The following LDAH variants were observed in gnomAD, a reference collection of about 807,000 sequenced individuals.
LDAH encodes lipid droplet associated hydrolase, also known as lipid droplet-associated hydrolase.
In LDAH, 26 loss-of-function variants were observed where a neutral mutation model predicts 29.6. That is an observed-to-expected ratio of 0.88 (90% CI 0.64 to 1.22). LDAH has a LOEUF of 1.22. LDAH is among the 50% of genes most tolerant of loss of function. LDAH has a pLI of 0.00. For missense variants in LDAH, 344 were observed against 387.3 expected (o/e 0.89, Z 0.94); for synonymous variants, 117 against 133.0 (o/e 0.88, Z 0.83).
Position 20,738,279 on chromosome 2 carries a change from A to G in LDAH, c.703+1692T>C, listed in dbSNP as rs1184813406. Among the ~76,000 whole-genome samples, 3 of 113,878 alleles carry G rather than the reference A, an allele frequency of 2.6e-5. No homozygotes were observed. The East Asian group carries it at 9.2e-4, about 35-fold the overall frequency. The allele number at this position is 113,878 out of a possible 152,430, so 74.7% of individuals were successfully genotyped here. A position where few individuals can be genotyped will look rare whatever the true frequency, so the allele number is the denominator to read the frequency against. ...AATAATAATAATAATAATAATAATA[A>G]TAATAATAATATATAGATTCTTGCA... On this transcript the variant is annotated intron_variant, in intron 5 of 6. Transcript: ENST00000237822.
intron 6 of LDAH, among the ~76,000 whole-genome samples, chr2:20,689,724 T>G (rs1266003681): frequency 1.3e-5 from 2 of 152,216 alleles, no homozygotes; most frequent in Non-Finnish European, 2.9e-5. Context: ...ACAGTCGCTA[T>G]GCAGTTACTC....
chr2:20,731,642 T>C (rs371837405), intron 5 of LDAH, among the ~76,000 whole-genome samples: 3 of 152,176 alleles, frequency 2.0e-5, no homozygotes, highest in Non-Finnish European at 2.9e-5. Flanking sequence ...CATATAATTA[T>C]GTATATGTTT....
chr2:20,822,938 GC>G (rs1189937839), intron 1 of LDAH, 98 bp downstream of exon 1: 20 of 152,318 alleles, frequency 1.3e-4, no homozygotes, highest in African/African-American at 4.3e-4. Context: ...CAGGGGCTCT[GC>G]GAGGAACCAT....
intron 1 of LDAH, among the ~76,000 whole-genome samples, chr2:20,816,751 C>A (rs1672877567): frequency 6.6e-6 from 1 of 151,874 alleles, no homozygotes; most frequent in African/African-American, 2.4e-5. Flanking sequence ...TAGAACACTG[C>A]AACCAATAAT....
At chr2:20,734,490 A>G (rs1666644895) in intron 5 of LDAH, among the ~76,000 whole-genome samples, 1 of 152,174 alleles carries the variant, frequency 6.6e-6, no homozygotes, top group Non-Finnish European at 1.5e-5. Flanking sequence ...ACATATATAC[A>G]TGACTTATTA....
chr2:20,785,503 T>C (rs1368864209), intron 3 of LDAH, among the ~76,000 whole-genome samples: 1 of 152,242 alleles, frequency 6.6e-6, no homozygotes, highest in Non-Finnish European at 1.5e-5. Flanking sequence ...AACTTAAGAA[T>C]GACATATGTA....
rs1358875798 is a variant in LDAH at position 20,790,241 on chromosome 2, T to C, written c.298+14A>G. 6.2e-7 allele frequency: 1 copy of C among 1,613,472 alleles called. No homozygotes were observed. The highest frequency in any genetic ancestry group is 8.5e-7 in the Non-Finnish European group (1 of 1,179,722). On this transcript the variant is annotated intron_variant, in intron 3 of 6. Transcript: ENST00000237822. Reference sequence around the variant, plus strand: ...ACTCACTCTAAAGGAAAGTAGATATTAACAAGGACATACCCTCTGATGTTG... The same window carrying C: ...ACTCACTCTAAAGGAAAGTAGATATCAACAAGGACATACCCTCTGATGTTG...
At chr2:20,752,490 C>T (rs1222382547) in intron 4 of LDAH, among the ~76,000 whole-genome samples, 1 of 152,188 alleles carries the variant, frequency 6.6e-6, no homozygotes, top group Non-Finnish European at 1.5e-5. Context: ...GTATTAGTTT[C>T]CAGCAGCTGC....
intron 1 of LDAH, among the ~76,000 whole-genome samples, chr2:20,816,050 G>A (rs983526540): frequency 6.6e-6 from 1 of 152,016 alleles, no homozygotes; most frequent in Admixed American, 6.6e-5. Flanking sequence ...ATTGGCAAAA[G>A]GCAATAAAAG....
chr2:20,700,787 A>G (rs780143322), intron 6 of LDAH, among the ~76,000 whole-genome samples: 2 of 152,236 alleles, frequency 1.3e-5, no homozygotes, highest in Non-Finnish European at 2.9e-5. Context: ...TAGTATTTCA[A>G]CAGGTAATCA....
chr2:20,752,431 G>T (rs546982511), intron 4 of LDAH, among the ~76,000 whole-genome samples: 1 of 152,116 alleles, frequency 6.6e-6, no homozygotes, highest in Non-Finnish European at 1.5e-5. Context: ...TGAACAAGAC[G>T]GATACACAGG....
chr2:20,716,974 G>A (rs966567404), intron 5 of LDAH, among the ~76,000 whole-genome samples: 1 of 150,764 alleles, frequency 6.6e-6, no homozygotes, highest in African/African-American at 2.4e-5. Flanking sequence ...CTAAGCTTGT[G>A]TTCATTTGTT....
intron 5 of LDAH, among the ~76,000 whole-genome samples, chr2:20,703,723 C>T (rs1459666702): frequency 6.6e-6 from 1 of 152,164 alleles, no homozygotes; most frequent in African/African-American, 2.4e-5. Context: ...AGACCTTCTG[C>T]TCTAACCTGG....
rs562618356 is a variant in LDAH at position 20,718,633 on chromosome 2, A to G, written c.704-16981T>C. On this transcript the variant is annotated intron_variant, in intron 5 of 6. Transcript: ENST00000237822. ...CCAGGCAGAAAATTAACAAAGAAACATTGCAGTTAAACTATACTCTAGACC... is the reference window on the plus strand; with the variant it reads ...CCAGGCAGAAAATTAACAAAGAAACGTTGCAGTTAAACTATACTCTAGACC... Among the ~76,000 whole-genome samples, 6 of 152,246 alleles carry G rather than the reference A, an allele frequency of 3.9e-5. No individual in the cohort carries two copies. The South Asian group carries it at 1.0e-3, about 26-fold the overall frequency.
At chr2:20,759,630 A>T (rs1199024816) in intron 4 of LDAH, among the ~76,000 whole-genome samples, 4 of 152,116 alleles carry the variant, frequency 2.6e-5, no homozygotes, top group African/African-American at 9.7e-5. Context: ...ATCTCCACAA[A>T]CAGACCTAGA....
intron 1 of LDAH, among the ~76,000 whole-genome samples, chr2:20,818,906 G>A (rs1050075269): frequency 5.3e-5 from 8 of 152,040 alleles, no homozygotes; most frequent in Non-Finnish European, 8.8e-5. Context: ...ATGTGGTTGC[G>A]AGATGAGCAA....
chr2:20,701,492 A>T lies in LDAH; in HGVS notation c.786+78T>A, dbSNP rs571252793. The T allele has an allele frequency of 2.3e-5, 26 of 1,148,742 alleles. No individual in the cohort carries two copies. In the African/African-American group the frequency reaches 3.8e-4, roughly 17 times the overall value. The allele number at this position is 1,148,742 out of a possible 1,614,324, so 71.2% of individuals were successfully genotyped here. A position where few individuals can be genotyped will look rare whatever the true frequency, so the allele number is the denominator to read the frequency against. On this transcript the variant is annotated intron_variant, in intron 6 of 6. Transcript: ENST00000237822. ...CAACCCTTAAAGTCTTACAGATTCT[A>T]ACTAGTTCTAGTCCTTTGCCCTCGT...
chr2:20,699,054 T>A (rs1572419846), intron 6 of LDAH, among the ~76,000 whole-genome samples: 1 of 152,232 alleles, frequency 6.6e-6, no homozygotes, highest in Non-Finnish European at 1.5e-5. Flanking sequence ...AGAAAGCTTA[T>A]TTTTAGACTA....
chr2:20,794,927 A>G (rs1158319444), intron 2 of LDAH, among the ~76,000 whole-genome samples: 2 of 152,222 alleles, frequency 1.3e-5, no homozygotes, highest in African/African-American at 2.4e-5. Context: ...ATGCTTAAAT[A>G]CCATTGCATA....
Sources: gnomAD v4.1 joint callset for allele counts (sites outside exome capture counted in the v4.1 genomes callset) on GRCh38, gnomAD v4.1.1 for gene constraint, MANE v1.5 for transcripts, NCBI Gene and HGNC (gene_info 2026-07-23, HGNC 2026-07-21) for gene names.